APLF: variants seen among roughly 807,000 people sequenced by gnomAD.
APLF encodes aprataxin and PNK-like factor.
APLF carries 61 observed loss-of-function variants against 55.6 expected under a neutral mutation model. The ratio of observed to expected loss-of-function variants is 1.10; its 90% CI spans 0.89 to 1.36. The LOEUF (loss-of-function observed/expected upper bound fraction) is 1.36, where lower values mean the gene tolerates loss of function less well. Among genes scored for constraint, APLF ranks in the 40% most tolerant of loss-of-function variants. APLF has a pLI of 0.00. For synonymous variants in APLF, 207 were observed against 214.8 expected, an observed-to-expected ratio of 0.96 and a Z score of 0.32; for missense variants, 611 against 602.5, an observed-to-expected ratio of 1.01 and a Z score of -0.15.
Position 68,579,921 on chromosome 2 carries a change from G to A in APLF, c.*1899G>A. ...AAACAATGCATTGTACACTTTCAAA[G>A]GGTAGATTTCATTGCACGTGAACTA... On this transcript the variant is annotated 3_prime_UTR_variant, in exon 10 of 10. Coordinates refer to ENST00000303795, the MANE Select transcript of APLF (RefSeq NM_173545.3). The A allele has an allele frequency of 1.6e-6, 1 of 606,488 alleles. No homozygotes were observed. The highest frequency in any genetic ancestry group is 2.1e-6 in the Non-Finnish European group (1 of 484,188). The allele number at this position is 606,488 out of a possible 1,614,324, so 37.6% of individuals were successfully genotyped here.
At chr2:68,530,373 G>T (rs572158481) in intron 6 of APLF, among the ~76,000 whole-genome samples, 25 of 152,278 alleles carry the variant, frequency 1.6e-4, no homozygotes, top group Non-Finnish European at 2.6e-4. Flanking sequence ...CCTCTACAAA[G>T]ATGTAGGGCA....
chr2:68,570,431 A>T (rs1176240233), intron 9 of APLF, among the ~76,000 whole-genome samples: 1 of 151,628 alleles, frequency 6.6e-6, no homozygotes, highest in African/African-American at 2.4e-5. Flanking sequence ...TCCTAATGCT[A>T]TCCCTCCCCC....
At chr2:68,570,465 C>T (rs1671426634) in intron 9 of APLF, among the ~76,000 whole-genome samples, 1 of 151,362 alleles carries the variant, frequency 6.6e-6, no homozygotes, top group Non-Finnish European at 1.5e-5. Context: ...CACAACAGGC[C>T]CCAGTGTGTG....
In APLF at chr2:68,471,947, A is replaced by G. The variant is rs181583856; in HGVS notation, c.96+4120A>G. 5.0e-3 allele frequency among the ~76,000 whole-genome samples: 761 copies of G among 152,276 alleles called. 3 individuals are homozygous for G. The highest frequency in any genetic ancestry group is 7.6e-3 in the Non-Finnish European group (520 of 68,018). ...TGGTTTTTATATATTTTAGGGAGGC[A>G]TGAGACATCAATCAAATACATTTAA... On this transcript the variant is annotated intron_variant, in intron 1 of 9. Transcript: ENST00000303795.
At chr2:68,562,156 A>G (rs1028516478) in intron 8 of APLF, among the ~76,000 whole-genome samples, 2 of 152,062 alleles carry the variant, frequency 1.3e-5, no homozygotes, top group African/African-American at 4.8e-5. Context: ...GGCAGTTACC[A>G]CATGGTATCA....
chr2:68,571,797 A>C (rs988622716), intron 9 of APLF, among the ~76,000 whole-genome samples: 4 of 152,064 alleles, frequency 2.6e-5, no homozygotes, highest in Non-Finnish European at 4.4e-5. Context: ...TTCCATATGA[A>C]CTTTAAAGTA....
chr2:68,524,745 A>T (rs923464677), intron 5 of APLF, among the ~76,000 whole-genome samples: 4 of 152,226 alleles, frequency 2.6e-5, no homozygotes, highest in African/African-American at 9.6e-5. Flanking sequence ...ATTGAGCATC[A>T]GTTTTGTGCT....
At chr2:68,486,412 C>T (rs1676176215) in intron 1 of APLF, among the ~76,000 whole-genome samples, 1 of 152,118 alleles carries the variant, frequency 6.6e-6, no homozygotes, top group Admixed American at 6.5e-5. Flanking sequence ...TCTCTATTAG[C>T]TTGGCCTCTG....
chr2:68,528,430 C>T, intron 6 of APLF: 2 of 1,534,308 alleles, frequency 1.3e-6, no homozygotes, highest in Non-Finnish European at 1.7e-6. Context: ...TCTCATCTCT[C>T]TCCCACCTCA....
intron 1 of APLF, among the ~76,000 whole-genome samples, chr2:68,489,764 G>A (rs1178777862): frequency 6.6e-6 from 1 of 152,084 alleles, no homozygotes; most frequent in Non-Finnish European, 1.5e-5. Context: ...CCAGATCCTC[G>A]AGCATGGGAT....
In APLF at chr2:68,578,230, T is replaced by C. The variant is rs2104091960; in HGVS notation, c.*208T>C. On this transcript the variant is annotated 3_prime_UTR_variant, in exon 10 of 10. Coordinates refer to ENST00000303795, the MANE Select transcript of APLF (RefSeq NM_173545.3). ...TTTTGTTGCCTTGCCTTTTCTTTCC[T>C]ACTTAAAGCATCTGGAAATAGGAAG... The C allele has an allele frequency of 3.1e-6, 4 of 1,305,392 alleles. No homozygotes were observed. The highest frequency in any genetic ancestry group is 6.4e-5 in the East Asian group (2 of 31,392). 80.9% of individuals were successfully genotyped at this position (1,305,392 alleles called of 1,614,324 possible).
At chr2:68,505,153 TTAAAG>T (rs1449054139) in intron 3 of APLF, among the ~76,000 whole-genome samples, 1 of 152,058 alleles carries the variant, frequency 6.6e-6, no homozygotes, top group East Asian at 1.9e-4. Context: ...GCTTACTACT[TTAAAG>T]TACATGTCTT....
At chr2:68,528,740 G>A in intron 6 of APLF, 8 of 1,501,208 alleles carry the variant, frequency 5.3e-6, no homozygotes, top group African/African-American at 1.4e-5. Context: ...AGGGCTGTGT[G>A]AACTGGCGAC....
At chr2:68,517,292 A>G (rs1296841158) in intron 5 of APLF, among the ~76,000 whole-genome samples, 1 of 122,926 alleles carries the variant, frequency 8.1e-6, no homozygotes, top group African/African-American at 3.4e-5. Context: ...ATATATTAAT[A>G]TATGTCATTA....
chr2:68,517,229 TATTAATATATGTCATTACTATATAATA>T (rs2103960836), intron 5 of APLF, among the ~76,000 whole-genome samples: 1 of 111,114 alleles, frequency 9.0e-6, no homozygotes, highest in South Asian at 2.6e-4. Context: ...TATATAAATA[TATTAATATATGTCATTACTATATAATA>T]TATTAATATA....
At chr2:68,542,539 A>G (rs775532098) in intron 7 of APLF, among the ~76,000 whole-genome samples, 3 of 151,818 alleles carry the variant, frequency 2.0e-5, no homozygotes, top group Non-Finnish European at 4.4e-5. Context: ...ACCAACAAGC[A>G]TATTAAAAGA....
At chr2:68,568,160 C>G (rs1444108219) in intron 9 of APLF, 1 of 509,968 alleles carries the variant, frequency 2.0e-6, no homozygotes, top group Non-Finnish European at 2.5e-6. Context: ...GTTTTACCTT[C>G]TGTTTGTTAT....
intron 1 of APLF, among the ~76,000 whole-genome samples, chr2:68,473,223 C>T (rs1226279795): frequency 1.3e-5 from 2 of 152,184 alleles, no homozygotes; most frequent in Non-Finnish European, 2.9e-5. Flanking sequence ...AATTCTTTTA[C>T]TTTCTCCATG....
intron 5 of APLF, among the ~76,000 whole-genome samples, chr2:68,514,747 G>A (rs560185360): frequency 1.5e-4 from 23 of 151,850 alleles, no homozygotes; most frequent in African/African-American, 5.3e-4. Context: ...TTTCTGCCAC[G>A]TGTGACTTGG....
Sources: allele counts gnomAD v4.1 joint callset (sites outside exome capture counted in the v4.1 genomes callset), GRCh38; gene constraint gnomAD v4.1.1; transcripts MANE v1.5; gene names NCBI Gene and HGNC (gene_info 2026-07-23, HGNC 2026-07-21).